SPMIP11: variants seen among roughly 807,000 people sequenced by gnomAD.
The protein encoded by SPMIP11 is long intergenic non-protein coding RNA 935.
At chr12:48,752,767 G>C in the SPMIP11 span, among the ~76,000 whole-genome samples, 1 of 150,816 alleles carries the variant, frequency 6.6e-6, no homozygotes, top group Non-Finnish European at 1.5e-5. Context: ...CGCCTCCCGG[G>C]TTCAAGCGAT....
the SPMIP11 span, among the ~76,000 whole-genome samples, chr12:48,744,740 AAAG>A: frequency 6.6e-6 from 1 of 150,720 alleles, no homozygotes; most frequent in East Asian, 2.0e-4. Flanking sequence ...TAATAATAAT[AAAG>A]AAGAAGAAGA....
the SPMIP11 span, among the ~76,000 whole-genome samples, chr12:48,753,915 C>A: frequency 2.0e-5 from 3 of 151,902 alleles, no homozygotes; most frequent in African/African-American, 4.8e-5. Context: ...GTTGGCCAGG[C>A]TGGTCTGGAA....
chr12:48,727,857 C>T, the SPMIP11 span, among the ~76,000 whole-genome samples: 1 of 152,006 alleles, frequency 6.6e-6, no homozygotes, highest in African/African-American at 2.4e-5. Flanking sequence ...CAAGACCAGC[C>T]TGGGCAACAT....
the SPMIP11 span, among the ~76,000 whole-genome samples, chr12:48,757,256 A>G: frequency 6.7e-6 from 1 of 149,562 alleles, no homozygotes; most frequent in Non-Finnish European, 1.5e-5. Context: ...TGAAAGACTT[A>G]AAAAAAAAAT....
At chr12:48,728,840 G>A in the SPMIP11 span, among the ~76,000 whole-genome samples, 1 of 152,126 alleles carries the variant, frequency 6.6e-6, no homozygotes, top group Non-Finnish European at 1.5e-5. Context: ...GGTGCTGGGA[G>A]GCAGACGTTG....
chr12:48,756,670 T>C, the SPMIP11 span, among the ~76,000 whole-genome samples: 4 of 151,878 alleles, frequency 2.6e-5, no homozygotes, highest in Admixed American at 1.3e-4. Context: ...CAAGCATCCA[T>C]AATCATGAAA....
the SPMIP11 span, among the ~76,000 whole-genome samples, chr12:48,745,206 A>G: frequency 6.6e-6 from 1 of 151,122 alleles, no homozygotes; most frequent in East Asian, 1.9e-4. Flanking sequence ...TGAACCCAGG[A>G]GGCCAAGCTT....
the SPMIP11 span, chr12:48,769,090 G>T: frequency 1.3e-6 from 2 of 1,591,494 alleles, no homozygotes; most frequent in Admixed American, 3.5e-5. Flanking sequence ...CAAGAGACTA[G>T]TGGATGCTCC....
At chr12:48,752,249 C>G in the SPMIP11 span, among the ~76,000 whole-genome samples, 1 of 152,162 alleles carries the variant, frequency 6.6e-6, no homozygotes. Flanking sequence ...GCTAGAATAT[C>G]TTTGTCCGCT....
chr12:48,768,779 C>T, the SPMIP11 span: 1 of 1,591,064 alleles, frequency 6.3e-7, no homozygotes, highest in Admixed American at 1.7e-5. Context: ...TGCAGGGGCC[C>T]AGGGGTTCTC....
chr12:48,739,966 A>C, the SPMIP11 span, among the ~76,000 whole-genome samples: 4 of 152,178 alleles, frequency 2.6e-5, no homozygotes, highest in Admixed American at 2.0e-4. Flanking sequence ...CTGTTAGGTT[A>C]ATTGCCACCC....
the SPMIP11 span, chr12:48,768,700 T>C: frequency 6.2e-7 from 1 of 1,614,090 alleles, no homozygotes; most frequent in Non-Finnish European, 8.5e-7. Flanking sequence ...TAGAACCTGG[T>C]ACAGGTCCGT....
the SPMIP11 span, among the ~76,000 whole-genome samples, chr12:48,765,371 CA>C: frequency 6.6e-6 from 1 of 152,214 alleles, no homozygotes; most frequent in East Asian, 1.9e-4. Flanking sequence ...GCTGGGATTA[CA>C]GGCACCCGCC....
chr12:48,765,527 C>T, the SPMIP11 span: 1 of 697,744 alleles, frequency 1.4e-6, no homozygotes. Context: ...CCGCGCCCAG[C>T]CTCTTGGGAG....
chr12:48,747,444 G>T, the SPMIP11 span, among the ~76,000 whole-genome samples: 7 of 152,280 alleles, frequency 4.6e-5, no homozygotes, highest in African/African-American at 1.7e-4. Flanking sequence ...ACTGTAGCAG[G>T]TTACCTCCAC....
chr12:48,770,961 C>T, the SPMIP11 span: 13 of 1,613,952 alleles, frequency 8.1e-6, no homozygotes, highest in East Asian at 2.2e-5. Context: ...AACCGCTCCT[C>T]GCTGATAATC....
the SPMIP11 span, among the ~76,000 whole-genome samples, chr12:48,751,539 G>A: frequency 6.6e-6 from 1 of 152,164 alleles, no homozygotes; most frequent in Non-Finnish European, 1.5e-5. Flanking sequence ...CCAGGAGGTT[G>A]AGACTGCAGT....
the SPMIP11 span, chr12:48,759,425 A>G: frequency 1.5e-6 from 1 of 661,308 alleles, no homozygotes; most frequent in African/African-American, 1.8e-5. Flanking sequence ...TTGGTGGCTC[A>G]TGTCTGTAAT....
chr12:48,742,752 G>C, the SPMIP11 span, among the ~76,000 whole-genome samples: 3 of 151,960 alleles, frequency 2.0e-5, no homozygotes, highest in South Asian at 2.1e-4. Context: ...GGGCATGGTG[G>C]CTCATGCCTG....
Sources: allele counts gnomAD v4.1 joint callset (sites outside exome capture counted in the v4.1 genomes callset), GRCh38; gene constraint gnomAD v4.1.1; transcripts MANE v1.5; gene names NCBI Gene and HGNC (gene_info 2026-07-23, HGNC 2026-07-21).